The following KCNMB4 variants were observed in gnomAD, a reference collection of about 807,000 sequenced individuals.
KCNMB4 encodes potassium calcium-activated channel subfamily M regulatory beta subunit 4.
KCNMB4 carries 3 observed loss-of-function variants against 20.7 expected under a neutral mutation model. The ratio of observed to expected loss-of-function variants is 0.14; its 90% CI spans 0.07 to 0.37. The LOEUF is 0.37. Ranked by LOEUF, KCNMB4 falls within the 10% of genes least tolerant of loss-of-function variation. The pLI, the probability that KCNMB4 is intolerant of heterozygous loss-of-function variation, is 1.00. For missense variants in KCNMB4, 168 were observed against 265.9 expected (o/e 0.63, Z 2.56); for synonymous variants, 110 against 113.4 (o/e 0.97, Z 0.19).
chr12:70,416,788 A>G (rs1027096038), intron 2 of KCNMB4, among the ~76,000 whole-genome samples: 9 of 152,206 alleles, frequency 5.9e-5, no homozygotes, highest in Admixed American at 6.5e-5. Context: ...AGGGGTTAGG[A>G]TGAATGATTC....
Position 70,405,577 on chromosome 12 carries a change from A to G in KCNMB4, c.464+5241A>G, listed in dbSNP as rs997806678. Among the ~76,000 whole-genome samples the G allele has an allele frequency of 1.1e-4, 16 of 152,174 alleles. 1 individual carries two copies. Among genetic ancestry groups the G allele is most frequent in the Admixed American group, 7.2e-4 (11 of 15,268 alleles). On this transcript the variant is annotated intron_variant, in intron 2 of 2. Coordinates refer to ENST00000258111, the MANE Select transcript of KCNMB4 (RefSeq NM_014505.6). ...GCAGCTGCTATGGAAGACAGTATGG[A>G]TGTTCCTCAAAAAATTAAAAGTAGA...
intron 2 of KCNMB4, among the ~76,000 whole-genome samples, chr12:70,405,245 A>C (rs1290289083): frequency 6.6e-6 from 1 of 152,222 alleles, no homozygotes; most frequent in Non-Finnish European, 1.5e-5. Flanking sequence ...TATCTGCTAA[A>C]GAGTTAATCC....
At chr12:70,420,214 A>G (rs1869015619) in intron 2 of KCNMB4, among the ~76,000 whole-genome samples, 2 of 152,214 alleles carry the variant, frequency 1.3e-5, no homozygotes, top group African/African-American at 4.8e-5. Flanking sequence ...GGTTTATGGT[A>G]CTGTGGCTGT....
intron 1 of KCNMB4, among the ~76,000 whole-genome samples, chr12:70,394,142 CTTTG>C: frequency 6.6e-6 from 1 of 152,226 alleles, no homozygotes; most frequent in Middle Eastern, 3.4e-3. Context: ...AATAGCTAAT[CTTTG>C]TTTCCTATGC....
At chr12:70,410,776 T>C (rs1868750951) in intron 2 of KCNMB4, among the ~76,000 whole-genome samples, 1 of 151,994 alleles carries the variant, frequency 6.6e-6, no homozygotes, top group Non-Finnish European at 1.5e-5. Context: ...ATAATGAGGG[T>C]TTTATGAATG....
chr12:70,406,231 C>T (rs1346162195), intron 2 of KCNMB4, among the ~76,000 whole-genome samples: 1 of 152,050 alleles, frequency 6.6e-6, no homozygotes, highest in Admixed American at 6.5e-5. Context: ...TTGTGTACAA[C>T]AATACTGTAC....
chr12:70,412,534 A>G (rs1868807805), intron 2 of KCNMB4, among the ~76,000 whole-genome samples: 1 of 152,234 alleles, frequency 6.6e-6, no homozygotes, highest in South Asian at 2.1e-4. Context: ...ACGTCTTTGC[A>G]TTCTAAAAAC....
chr12:70,407,880 C>T (rs1868654939), intron 2 of KCNMB4, among the ~76,000 whole-genome samples: 1 of 152,184 alleles, frequency 6.6e-6, no homozygotes, highest in South Asian at 2.1e-4. Flanking sequence ...TTGAAAGGGG[C>T]TTACTATGAA....
In KCNMB4 at chr12:70,433,368, C is replaced by T. The variant is rs1200741609; in HGVS notation, c.*2715C>T. On this transcript the variant is annotated 3_prime_UTR_variant, in exon 3 of 3. Coordinates refer to ENST00000258111, the MANE Select transcript of KCNMB4 (RefSeq NM_014505.6). ...ATTCAAGGGATATAGGAGTCATCTA[C>T]CTTGTTAGTTCTCTTAATACCCAAG... is the stretch of plus-strand genomic sequence containing the variant. 1 of 152,092 alleles carries T rather than the reference C, an allele frequency of 6.6e-6. No homozygotes were observed. Among genetic ancestry groups the T allele is most frequent in the African/African-American group, 2.4e-5 (1 of 41,414 alleles). 9.4% of individuals were successfully genotyped at this position (152,092 alleles called of 1,614,324 possible).
At chr12:70,406,247 C>T (rs1265488376) in intron 2 of KCNMB4, among the ~76,000 whole-genome samples, 1 of 152,140 alleles carries the variant, frequency 6.6e-6, no homozygotes, top group Admixed American at 6.5e-5. Context: ...TGTACTATCA[C>T]CAACAGTAAT....
intron 2 of KCNMB4, among the ~76,000 whole-genome samples, chr12:70,411,450 A>G (rs1273523549): frequency 6.6e-6 from 1 of 152,178 alleles, no homozygotes; most frequent in Non-Finnish European, 1.5e-5. Context: ...TTAATATTTT[A>G]TTAGTTTTTA....
chr12:70,404,207 A>G (rs1030358398), intron 2 of KCNMB4, among the ~76,000 whole-genome samples: 3 of 152,108 alleles, frequency 2.0e-5, no homozygotes, highest in African/African-American at 7.2e-5. Context: ...CAAACTAAAG[A>G]GATTCTTTGT....
intron 2 of KCNMB4, among the ~76,000 whole-genome samples, chr12:70,405,890 C>T (rs373245803): frequency 6.1e-4 from 92 of 151,860 alleles, no homozygotes; most frequent in African/African-American, 2.0e-3. Context: ...GATCCGATCT[C>T]GAAAAGAAAT....
chr12:70,374,597 TTG>T (rs1883654368), intron 1 of KCNMB4, among the ~76,000 whole-genome samples: 1 of 152,190 alleles, frequency 6.6e-6, no homozygotes, highest in Admixed American at 6.5e-5. Context: ...TTGTAAATCA[TTG>T]TGTTTATTAA....
At chr12:70,411,113 G>A (rs1868761832) in intron 2 of KCNMB4, among the ~76,000 whole-genome samples, 1 of 152,222 alleles carries the variant, frequency 6.6e-6, no homozygotes, top group Non-Finnish European at 1.5e-5. Context: ...ACTGATGGAT[G>A]AAATGATCTC....
At chr12:70,386,306 T>G (rs1273218385) in intron 1 of KCNMB4, among the ~76,000 whole-genome samples, 1 of 152,130 alleles carries the variant, frequency 6.6e-6, no homozygotes, top group African/African-American at 2.4e-5. Context: ...TGGGTCTAAT[T>G]ATATAAATTT....
intron 2 of KCNMB4, among the ~76,000 whole-genome samples, chr12:70,400,747 C>A (rs1868427047): frequency 6.6e-6 from 1 of 152,142 alleles, no homozygotes; most frequent in Non-Finnish European, 1.5e-5. Context: ...TCAGTTTATA[C>A]CATATAAACC....
intron 1 of KCNMB4, among the ~76,000 whole-genome samples, chr12:70,377,465 G>A (rs1040731073): frequency 2.6e-5 from 4 of 152,142 alleles, no homozygotes; most frequent in African/African-American, 9.7e-5. Flanking sequence ...TGCTAGTAAT[G>A]ATCTGAGCAT....
chr12:70,397,453 A>G (rs1185685392), intron 1 of KCNMB4, among the ~76,000 whole-genome samples: 6 of 152,242 alleles, frequency 3.9e-5, no homozygotes, highest in Non-Finnish European at 8.8e-5. Context: ...AATGCAGTGC[A>G]TAAAAAGAAT....
Sources: gnomAD v4.1 joint callset for allele counts (sites outside exome capture counted in the v4.1 genomes callset) on GRCh38, gnomAD v4.1.1 for gene constraint, MANE v1.5 for transcripts, NCBI Gene and HGNC (gene_info 2026-07-23, HGNC 2026-07-21) for gene names.